The following HSF1 variants were observed in gnomAD, a reference collection of about 807,000 sequenced individuals.
HSF1 encodes the protein heat shock transcription factor 1.
Under a neutral mutation model 51.7 loss-of-function variants are expected in HSF1, and 32 were observed. That is an observed-to-expected ratio of 0.62 (90% CI 0.47 to 0.83). The LOEUF (loss-of-function observed/expected upper bound fraction) is 0.83, where lower values mean the gene tolerates loss of function less well. HSF1 is among the 40% of genes least tolerant of loss of function. HSF1 has a pLI of 0.00. For synonymous variants in HSF1, 396 were observed against 309.7 expected (o/e 1.28, Z -2.92); for missense variants, 727 against 717.0 (o/e 1.01, Z -0.16).
intron 1 of HSF1, among the ~76,000 whole-genome samples, chr8:144,306,360 GTTTT>G (rs1344009706): frequency 1.3e-5 from 2 of 148,936 alleles, no homozygotes; most frequent in African/African-American, 5.0e-5. Context: ...TTTAACTAGA[GTTTT>G]TTGTTTGTTT....
chr8:144,295,606 T>C (rs1024749715), intron 1 of HSF1, among the ~76,000 whole-genome samples: 3 of 152,220 alleles, frequency 2.0e-5, no homozygotes, highest in African/African-American at 7.2e-5. Flanking sequence ...CAGGCTGGAG[T>C]GCAGGGCTAT....
intron 1 of HSF1, among the ~76,000 whole-genome samples, chr8:144,298,598 C>CA (rs369577549): frequency 0.52 from 72,425 of 139,452 alleles, 18,247 homozygotes; most frequent in South Asian, 0.65. Flanking sequence ...GAAACTGTCT[C>CA]AAAAAAAAAA....
chr8:144,301,632 C>T (rs1464998631), intron 1 of HSF1, among the ~76,000 whole-genome samples: 3 of 151,794 alleles, frequency 2.0e-5, no homozygotes. Flanking sequence ...TTTGGGAGGC[C>T]AAGGCGGGCG....
At chr8:144,308,367 G>C (rs1816366442) in intron 1 of HSF1, among the ~76,000 whole-genome samples, 1 of 152,230 alleles carries the variant, frequency 6.6e-6, no homozygotes, top group African/African-American at 2.4e-5. Context: ...TGCAGTGTTT[G>C]ACTGTCTCTG....
chr8:144,297,152 G>A lies in HSF1; in HGVS notation c.117+5278G>A, dbSNP rs1356499071. Reference sequence around the variant, plus strand: ...AGGGCGAGCTGGAGAGGGGTCGGTGGGGCTCACAGTGCCTTCCCAGAGGAA... The same window carrying A: ...AGGGCGAGCTGGAGAGGGGTCGGTGAGGCTCACAGTGCCTTCCCAGAGGAA... On this transcript the variant is annotated intron_variant, in intron 1 of 12. Coordinates refer to ENST00000528838, the MANE Select transcript of HSF1 (RefSeq NM_005526.4). This position sits in a 1 kb window ranked among gnomAD's most constrained non-coding sequence, Gnocchi z 4.6. Among the ~76,000 whole-genome samples the A allele has an allele frequency of 1.3e-5, 2 of 152,138 alleles. No individual in the cohort carries two copies. The highest frequency in any genetic ancestry group is 2.9e-5 in the Non-Finnish European group (2 of 68,026).
intron 9 of HSF1, chr8:144,312,791 G>T: frequency 3.8e-6 from 5 of 1,308,270 alleles, no homozygotes; most frequent in Non-Finnish European, 4.3e-6. Flanking sequence ...ACCAGACCCA[G>T]CCTGGCCGGG....
chr8:144,300,481 T>C (rs748461699), intron 1 of HSF1, among the ~76,000 whole-genome samples: 1 of 152,078 alleles, frequency 6.6e-6, no homozygotes, highest in African/African-American at 2.4e-5. Context: ...CCTCCCAAAG[T>C]GTTGGGCGCG....
intron 1 of HSF1, among the ~76,000 whole-genome samples, chr8:144,305,970 G>A (rs1816198652): frequency 6.6e-6 from 1 of 151,792 alleles, no homozygotes; most frequent in African/African-American, 2.4e-5. Flanking sequence ...GACCTCAGGT[G>A]ATCCGCCTGC....
intron 1 of HSF1, among the ~76,000 whole-genome samples, chr8:144,294,501 G>A (rs1480224656): frequency 6.6e-6 from 1 of 152,232 alleles, no homozygotes; most frequent in Non-Finnish European, 1.5e-5. Context: ...ACAAGAAGAT[G>A]AGGCAGAATC....
At chr8:144,309,116 C>T (rs1329360778) in intron 2 of HSF1, 102 bp downstream of exon 2, 4 of 954,610 alleles carry the variant, frequency 4.2e-6, no homozygotes, top group Non-Finnish European at 5.0e-6. Context: ...GCGTCCTGTG[C>T]TGGCCAAGGG....
chr8:144,309,349 T>G, intron 2 of HSF1, 106 bp from the exon 3 acceptor site: 2 of 1,500,342 alleles, frequency 1.3e-6, no homozygotes, highest in Non-Finnish European at 1.8e-6. Context: ...CAGGGCAGGG[T>G]CTGACCATGG....
At chr8:144,308,816 C>A in intron 1 of HSF1, 90 bp from the exon 2 acceptor site, 1 of 1,039,482 alleles carries the variant, frequency 9.6e-7, no homozygotes, top group Non-Finnish European at 1.5e-6. Context: ...GCACTGCCTG[C>A]GTTTCAGAAG....
chr8:144,311,616 CAG>C lies in HSF1; in HGVS notation c.723+16_723+17del, dbSNP rs782165092. Reference sequence around the variant, plus strand: ...GCCCCTACTCGGTGAGTGCCGGAGACAGGGCACCCGCCCAGGCATGCAGGCGG... The same window carrying C: ...GCCCCTACTCGGTGAGTGCCGGAGACGGCACCCGCCCAGGCATGCAGGCGG... On this transcript the variant is annotated intron_variant, in intron 7 of 12. Transcript: ENST00000528838. 7.4e-6 allele frequency: 12 copies of C among 1,613,026 alleles called. No individual in the cohort carries two copies. The highest frequency in any genetic ancestry group is 1.3e-5 in the African/African-American group (1 of 75,046).
chr8:144,296,100 A>G (rs1815433548), intron 1 of HSF1, among the ~76,000 whole-genome samples: 1 of 152,190 alleles, frequency 6.6e-6, no homozygotes, highest in Admixed American at 6.5e-5. Context: ...GCCAGTGGTC[A>G]GGTGGCCGCT....
intron 1 of HSF1, among the ~76,000 whole-genome samples, chr8:144,300,212 C>CTTTTT (rs1176636210): frequency 7.3e-4 from 64 of 87,766 alleles, no homozygotes; most frequent in African/African-American, 2.1e-3. Flanking sequence ...GTTGTGTACT[C>CTTTTT]TTTTTTTTTT....
At chr8:144,295,606 T>G (rs1024749715) in intron 1 of HSF1, among the ~76,000 whole-genome samples, 3 of 152,220 alleles carry the variant, frequency 2.0e-5, no homozygotes, top group African/African-American at 7.2e-5. Flanking sequence ...CAGGCTGGAG[T>G]GCAGGGCTAT....
Position 144,312,207 on chromosome 8 carries a change from A to G in HSF1, c.1105A>G (p.Thr369Ala), listed in dbSNP as rs782589080. 1 of 797,408 alleles carries G rather than the reference A, an allele frequency of 1.3e-6. No individual in the cohort carries two copies. The highest frequency in any genetic ancestry group is 1.7e-6 in the Non-Finnish European group (1 of 577,036). 49.4% of individuals were successfully genotyped at this position (797,408 alleles called of 1,614,324 possible). A position where few individuals can be genotyped will look rare whatever the true frequency, so the allele number is the denominator to read the frequency against. ...GCCTCCCTCCCCCCCGCCCACCTCC[A>G]CCCCTGAAAAGTGCCTCAGCGTAGC... is the stretch of plus-strand genomic sequence containing the variant. ...GRPPSPPPTSTPEKCLSVACL... is the reference protein window; with the variant it reads ...GRPPSPPPTSAPEKCLSVACL... The change falls in exon 9 of 13, where the codon ACC becomes GCC. Residue 369 changes from threonine (T) to alanine (A), a missense_variant. Transcript: ENST00000528838.
At position 144,308,897 on chromosome 8, in the gene HSF1, C is replaced by T. The variant is rs782084373; in HGVS notation, c.118-9C>T. The T allele has an allele frequency of 6.2e-7, 1 of 1,612,988 alleles. No homozygotes were observed. Among genetic ancestry groups the T allele is most frequent in the East Asian group, 2.2e-5 (1 of 44,880 alleles). ...CCACGCGTGACCCACCCATGTGTCT[C>T]CCTTTCAGAGCGGGAACAGCTTCCA... On this transcript the variant is annotated splice_polypyrimidine_tract_variant and intron_variant, in intron 1 of 12. Coordinates refer to ENST00000528838, the MANE Select transcript of HSF1 (RefSeq NM_005526.4).
intron 10 of HSF1, 28 bp from the exon 11 acceptor site, chr8:144,313,818 T>A (rs782666518): frequency 1.6e-5 from 22 of 1,343,726 alleles, no homozygotes; most frequent in Non-Finnish European, 2.2e-5. Flanking sequence ...CCCCGGGTGC[T>A]GTTCTGACTT....
Sources: gnomAD v4.1 joint callset for allele counts (sites outside exome capture counted in the v4.1 genomes callset) on GRCh38, gnomAD v4.1.1 for gene constraint, Gnocchi (gnomAD v3.1) non-coding constraint, MANE v1.5 for transcripts, NCBI Gene and HGNC (gene_info 2026-07-23, HGNC 2026-07-21) for gene names.